Variants in STX1B observed in about 807,000 individuals in gnomAD.
The protein encoded by STX1B is syntaxin-1B.
In STX1B, 7 loss-of-function variants were observed where a neutral mutation model predicts 39.4. The ratio of observed to expected loss-of-function variants is 0.18; its 90% confidence interval spans 0.10 to 0.33. The LOEUF is 0.33. Ranked by LOEUF, STX1B falls within the 10% of genes least tolerant of loss-of-function variation. The probability of loss-of-function intolerance (pLI) is 1.00; values close to 1 mark genes in which losing one functional copy is unlikely to be tolerated. For synonymous variants in STX1B, 136 were observed against 144.1 expected, an observed-to-expected ratio of 0.94 and a Z score of 0.40; for missense variants, 198 against 383.2, an observed-to-expected ratio of 0.52 and a Z score of 4.04.
In STX1B at chr16:31,001,091, C is replaced by T. The variant is rs1019580252; in HGVS notation, c.205+3G>A. ...CCCCACAGTCACCGGCAGCCACACTCACTCTCATCTGGGTTGGGTGCGGCC... is the reference window on the plus strand; with the variant it reads ...CCCCACAGTCACCGGCAGCCACACTTACTCTCATCTGGGTTGGGTGCGGCC... On this transcript the variant is annotated splice_donor_region_variant and intron_variant, in intron 3 of 9. Transcript: ENST00000215095. The surrounding 1 kb of genome is among the most constrained non-coding windows in gnomAD (Gnocchi z 5.5). 1 of 1,614,188 alleles carries T rather than the reference C, an allele frequency of 6.2e-7. No homozygotes were observed. The highest frequency in any genetic ancestry group is 8.5e-7 in the Non-Finnish European group (1 of 1,180,016).
intron 1 of STX1B, among the ~76,000 whole-genome samples, chr16:31,009,624 T>C (rs571086110): frequency 5.9e-5 from 9 of 151,886 alleles, no homozygotes; most frequent in Non-Finnish European, 1.0e-4. Context: ...AGGGACTGCC[T>C]GGCCAGACTC....
intron 1 of STX1B, among the ~76,000 whole-genome samples, chr16:31,009,131 G>C (rs946469536): frequency 2.6e-5 from 4 of 151,948 alleles, no homozygotes; most frequent in Admixed American, 6.6e-5. Flanking sequence ...CCTTCTTCTC[G>C]TCTGTCTGTA....
Position 31,001,709 on chromosome 16 carries a change from C to A in STX1B, c.31-106G>T, listed in dbSNP as rs2143679184. 1 of 832,340 alleles carries A rather than the reference C, an allele frequency of 1.2e-6. No homozygotes were observed. Among genetic ancestry groups the A allele is most frequent in the South Asian group, 1.7e-5 (1 of 59,420 alleles). 51.6% of individuals were successfully genotyped at this position (832,340 alleles called of 1,614,324 possible). Reference sequence around the variant, plus strand: ...CCTGCTATGCACACACAGGTGCTCCCAGCTCTAGGCTCAGAGGAGGGGTCC... The same window carrying A: ...CCTGCTATGCACACACAGGTGCTCCAAGCTCTAGGCTCAGAGGAGGGGTCC... On this transcript the variant is annotated intron_variant, in intron 1 of 9. Transcript: ENST00000215095. This position sits in a 1 kb window ranked among gnomAD's most constrained non-coding sequence, Gnocchi z 5.5.
chr16:30,994,495 CAGA>C (rs1462057032), intron 7 of STX1B, among the ~76,000 whole-genome samples: 7 of 149,240 alleles, frequency 4.7e-5, no homozygotes, highest in Non-Finnish European at 8.9e-5. Flanking sequence ...GAAACTGAGG[CAGA>C]AGGATTGCCT....
At chr16:30,995,655 T>TA (rs1473929558) in intron 7 of STX1B, among the ~76,000 whole-genome samples, 2 of 151,842 alleles carry the variant, frequency 1.3e-5, no homozygotes, top group African/African-American at 4.8e-5. Flanking sequence ...CATGCCCGGC[T>TA]AATTTTTGTA....
chr16:30,994,031 G>T (rs1246517593), intron 7 of STX1B, among the ~76,000 whole-genome samples: 1 of 151,064 alleles, frequency 6.6e-6, no homozygotes, highest in African/African-American at 2.4e-5. Context: ...GGTAGCTCAT[G>T]CCTGTAATCC....
intron 4 of STX1B, among the ~76,000 whole-genome samples, chr16:30,998,453 G>A (rs555619153): frequency 3.9e-5 from 6 of 152,366 alleles, no homozygotes; most frequent in African/African-American, 1.4e-4. Flanking sequence ...ATGGCCCAGG[G>A]ATATTGGAAT....
At chr16:31,010,343 C>T in intron 1 of STX1B, 24 bp downstream of exon 1, 1 of 1,387,892 alleles carries the variant, frequency 7.2e-7, no homozygotes, top group Non-Finnish European at 9.6e-7. Context: ...CCCGCCCCCC[C>T]ATTCTCCCCA....
intron 7 of STX1B, among the ~76,000 whole-genome samples, chr16:30,993,921 G>A (rs1418163545): frequency 6.6e-6 from 1 of 151,552 alleles, no homozygotes; most frequent in Non-Finnish European, 1.5e-5. Flanking sequence ...GGGGGGCAGA[G>A]GTTGCAGTGA....
intron 1 of STX1B, among the ~76,000 whole-genome samples, chr16:31,008,327 C>T (rs952235551): frequency 1.1e-4 from 16 of 151,562 alleles, no homozygotes; most frequent in African/African-American, 3.9e-4. Context: ...TTCCACACCA[C>T]CTCCGGCAGC....
chr16:31,006,136 T>C (rs2056654079), intron 1 of STX1B, among the ~76,000 whole-genome samples: 1 of 152,056 alleles, frequency 6.6e-6, no homozygotes, highest in African/African-American at 2.4e-5. Context: ...TGTGTAAACA[T>C]ATGCGTGCCC....
intron 4 of STX1B, among the ~76,000 whole-genome samples, chr16:30,998,027 G>A (rs2056604794): frequency 6.6e-6 from 1 of 152,218 alleles, no homozygotes; most frequent in Admixed American, 6.5e-5. Context: ...GTCACCTCCA[G>A]GTGGATCAGG....
intron 1 of STX1B, among the ~76,000 whole-genome samples, chr16:31,009,546 G>T (rs570185498): frequency 6.6e-6 from 1 of 151,602 alleles, no homozygotes; most frequent in Admixed American, 6.6e-5. Context: ...CATTCTCATC[G>T]AACCCCACTC....
At position 31,001,181 on chromosome 16, in the gene STX1B, G is replaced by A. The variant is rs1379471980; in HGVS notation, c.118C>T (p.Arg40Trp). 2.5e-6 allele frequency: 4 copies of A among 1,613,684 alleles called. No homozygotes were observed. The highest frequency in any genetic ancestry group is 3.4e-6 in the Non-Finnish European group (4 of 1,180,006). The change falls in exon 3 of 10, where the codon CGG becomes TGG. Residue 40 changes from arginine (R) to tryptophan (W), a missense_variant. By Grantham distance (101) the Arg-to-Trp change is moderately radical (BLOSUM62 -3). Coordinates refer to ENST00000215095, the MANE Select transcript of STX1B (RefSeq NM_052874.5). This position sits in a 1 kb window ranked among gnomAD's most constrained non-coding sequence, Gnocchi z 5.5. ...TCCGACAGTTTCTCAATGCAGCCCCGGATCTCTTCCACCTGGAGCAGAAAA... is the reference window on the plus strand; with the variant it reads ...TCCGACAGTTTCTCAATGCAGCCCCAGATCTCTTCCACCTGGAGCAGAAAA... ...DEFFEQVEEI[R>W]GCIEKLSEDV...
chr16:31,010,303 C>A, intron 1 of STX1B, 64 bp downstream of exon 1: 1 of 987,164 alleles, frequency 1.0e-6, no homozygotes, highest in Non-Finnish European at 1.4e-6. Flanking sequence ...TCCCCCACTC[C>A]ATCCCCACGC....
Position 30,990,100 on chromosome 16 carries a change from G to A in STX1B, c.*2721C>T, listed in dbSNP as rs1390253411. ...GATCCCCTGGTCCACCTGAGGCCCAGAGATGGGCAGCTGTGGGCCCAATGC... is the reference window on the plus strand; with the variant it reads ...GATCCCCTGGTCCACCTGAGGCCCAAAGATGGGCAGCTGTGGGCCCAATGC... On this transcript the variant is annotated 3_prime_UTR_variant, in exon 10 of 10. Transcript: ENST00000215095. The A allele has an allele frequency of 6.6e-6, 1 of 152,296 alleles. No individual in the cohort carries two copies. The allele number at this position is 152,296 out of a possible 1,614,324, so 9.4% of individuals were successfully genotyped here.
intron 1 of STX1B, among the ~76,000 whole-genome samples, chr16:31,003,852 A>C (rs2056643916): frequency 6.6e-6 from 1 of 152,222 alleles, no homozygotes; most frequent in South Asian, 2.1e-4. Flanking sequence ...CCTCAGCACC[A>C]CCAGCCCTGA....
At chr16:31,004,006 G>A (rs1289927379) in intron 1 of STX1B, among the ~76,000 whole-genome samples, 1 of 152,058 alleles carries the variant, frequency 6.6e-6, no homozygotes, top group Non-Finnish European at 1.5e-5. Flanking sequence ...CTCAAAGACC[G>A]CTGTTAGGCT....
intron 4 of STX1B, among the ~76,000 whole-genome samples, chr16:30,999,354 A>G (rs1425200909): frequency 1.3e-5 from 2 of 152,322 alleles, no homozygotes; most frequent in East Asian, 3.9e-4. Flanking sequence ...AGTGTTCTCC[A>G]GGCCAGGTAG....
Sources: allele counts gnomAD v4.1 joint callset (sites outside exome capture counted in the v4.1 genomes callset), GRCh38; gene constraint gnomAD v4.1.1; non-coding constraint Gnocchi (gnomAD v3.1); transcripts MANE v1.5; gene names NCBI Gene and HGNC (gene_info 2026-07-23, HGNC 2026-07-21).